CSF1R: variants seen among roughly 807,000 people sequenced by gnomAD.
The protein encoded by CSF1R is colony stimulating factor 1 receptor.
In CSF1R, 40 loss-of-function variants were observed where a neutral mutation model predicts 110.0. The ratio of observed to expected loss-of-function variants is 0.36; its 90% CI spans 0.28 to 0.47. The LOEUF (loss-of-function observed/expected upper bound fraction) is 0.47, where lower values mean the gene tolerates loss of function less well. Among genes scored for constraint, CSF1R ranks in the 20% least tolerant of loss-of-function variants. CSF1R has a pLI of 0.99. For synonymous variants in CSF1R, 523 were observed against 503.4 expected (o/e 1.04, Z -0.52); for missense variants, 1,052 against 1,253.0 (o/e 0.84, Z 2.42).
intron 6 of CSF1R, among the ~76,000 whole-genome samples, chr5:150,071,037 G>C (rs951692151): frequency 2.6e-5 from 4 of 152,194 alleles, no homozygotes; most frequent in Non-Finnish European, 4.4e-5. Flanking sequence ...GCTGTTTCTT[G>C]GCTGTGTGAT....
rs375438101 is a variant in CSF1R at position 150,056,164 on chromosome 5, G to A, written c.2443-27C>T. 8.1e-4 allele frequency: 1,300 copies of A among 1,614,074 alleles called. 2 individuals carry two copies. The highest frequency in any genetic ancestry group is 1.0e-3 in the Non-Finnish European group (1,216 of 1,179,968). On this transcript the variant is annotated intron_variant, in intron 17 of 20. Transcript: ENST00000675795. ...TGGGATGACAGTCCCCAGTTATTTT[G>A]GGCCCCGACTCTTCACCCCCTCCCC... is the stretch of plus-strand genomic sequence containing the variant.
intron 4 of CSF1R, among the ~76,000 whole-genome samples, chr5:150,077,696 A>G (rs1215444301): frequency 1.3e-5 from 2 of 152,186 alleles, no homozygotes; most frequent in South Asian, 4.1e-4. Context: ...AGGCAGCCCA[A>G]CGTGAGTCCC....
chr5:150,062,626 C>G (rs559669186), intron 10 of CSF1R, among the ~76,000 whole-genome samples: 40 of 152,324 alleles, frequency 2.6e-4, no homozygotes, highest in African/African-American at 9.1e-4. Flanking sequence ...TAATAGTAGC[C>G]CATCCACATA....
intron 1 of CSF1R, among the ~76,000 whole-genome samples, chr5:150,111,476 G>T (rs1433933941): frequency 6.6e-6 from 1 of 152,184 alleles, no homozygotes; most frequent in Non-Finnish European, 1.5e-5. Flanking sequence ...TCCCACAAAT[G>T]AGTTTTTATT....
At chr5:150,058,820 C>G (rs1408702385) in intron 14 of CSF1R, among the ~76,000 whole-genome samples, 2 of 152,000 alleles carry the variant, frequency 1.3e-5, no homozygotes, top group Non-Finnish European at 2.9e-5. Context: ...GTCCTGACCC[C>G]ACAAGCCCCT....
chr5:150,068,141 T>A, intron 10 of CSF1R, 74 bp downstream of exon 10: 1 of 1,152,522 alleles, frequency 8.7e-7, no homozygotes, highest in African/African-American at 1.5e-5. Context: ...GAAGGGTGAA[T>A]CCATGCAGCC....
At chr5:150,054,914 C>T (rs1757130390) in intron 19 of CSF1R, 1 of 288,958 alleles carries the variant, frequency 3.5e-6, no homozygotes, top group Admixed American at 4.9e-5. Context: ...TGCTTGAGCC[C>T]TGAAGATTGA....
At position 150,053,427 on chromosome 5, in the gene CSF1R, T is replaced by C. The variant is rs927410113; in HGVS notation, c.*642A>G. 8.5e-6 allele frequency: 2 copies of C among 234,560 alleles called. No homozygotes were observed. Among genetic ancestry groups the C allele is most frequent in the Non-Finnish European group, 1.7e-5 (2 of 118,724 alleles). 14.5% of individuals were successfully genotyped at this position (234,560 alleles called of 1,614,324 possible). A position where few individuals can be genotyped will look rare whatever the true frequency, so the allele number is the denominator to read the frequency against. On this transcript the variant is annotated 3_prime_UTR_variant, in exon 21 of 21. Transcript: ENST00000675795. Reference sequence around the variant, plus strand: ...CCACATGCCAAGGTCCCCTGCCTTCTAGCCCAGAATGACGGGACTGGGCAG... The same window carrying C: ...CCACATGCCAAGGTCCCCTGCCTTCCAGCCCAGAATGACGGGACTGGGCAG...
chr5:150,111,862 A>G (rs1188922730), intron 1 of CSF1R, among the ~76,000 whole-genome samples: 1 of 152,242 alleles, frequency 6.6e-6, no homozygotes, highest in Non-Finnish European at 1.5e-5. Context: ...AGCCCTGGAA[A>G]CTGAGTCACA....
intron 6 of CSF1R, among the ~76,000 whole-genome samples, chr5:150,072,564 T>C (rs535278096): frequency 4.6e-5 from 7 of 152,264 alleles, no homozygotes; most frequent in South Asian, 4.1e-4. Context: ...CTGGTATGAG[T>C]GTTCCTCTTA....
upstream of CSF1R, among the ~76,000 whole-genome samples, chr5:150,089,598 A>T (rs141864175): frequency 4.0e-4 from 61 of 152,384 alleles, no homozygotes; most frequent in African/African-American, 1.3e-3. Context: ...GGAGGATTTA[A>T]TAAGACAGCG....
intron 5 of CSF1R, among the ~76,000 whole-genome samples, chr5:150,075,448 C>A (rs907031139): frequency 6.6e-6 from 1 of 152,180 alleles, no homozygotes. Flanking sequence ...GTCCCCTGAA[C>A]ATGGCAAGCA....
chr5:150,101,070 G>GAA (rs11393780), intron 1 of CSF1R, among the ~76,000 whole-genome samples: 4 of 132,024 alleles, frequency 3.0e-5, no homozygotes, highest in African/African-American at 5.5e-5. Flanking sequence ...GTTGCTCTCA[G>GAA]AAAAAAAAAA....
chr5:150,088,326 G>T (rs1758925208), upstream of CSF1R, among the ~76,000 whole-genome samples: 1 of 152,078 alleles, frequency 6.6e-6, no homozygotes, highest in African/African-American at 2.4e-5. Flanking sequence ...AGGACCAGAT[G>T]GCTTCACTGG....
At chr5:150,054,819 TCTA>T (rs1757124183) in intron 19 of CSF1R, 3 of 239,322 alleles carry the variant, frequency 1.3e-5, no homozygotes, top group African/African-American at 6.9e-5. Flanking sequence ...AGATCCCATC[TCTA>T]CTAAAAAATT....
intron 1 of CSF1R, among the ~76,000 whole-genome samples, chr5:150,095,726 CT>C (rs1326277284): frequency 7.0e-6 from 1 of 142,730 alleles, no homozygotes; most frequent in Non-Finnish European, 1.5e-5. Context: ...AAACCAAAAG[CT>C]TTTTCACTGG....
intron 18 of CSF1R, among the ~76,000 whole-genome samples, 185 bp from the exon 19 acceptor site, chr5:150,055,521 G>A (rs1242174004): frequency 3.3e-5 from 5 of 152,234 alleles, no homozygotes; most frequent in African/African-American, 1.2e-4. Context: ...AGGAAGGTGT[G>A]AGCCTCTATC....
At position 150,056,276 on chromosome 5, in the gene CSF1R, C is replaced by T. The variant is rs1757215212; in HGVS notation, c.2385G>A (p.Gly795=). The T allele has an allele frequency of 6.2e-7, 1 of 1,614,062 alleles. No individual in the cohort carries two copies. Among genetic ancestry groups the T allele is most frequent in the African/African-American group, 1.3e-5 (1 of 74,928 alleles). Residue 795 remains glycine (G), a synonymous_variant, in exon 17 of 21, where the codon GGG becomes GGA. Transcript: ENST00000675795. ...LLTNGHVAKI[G]DFGLARDIMN... is the part of the protein sequence containing the mutation. ...TGATGTCCCTAGCCAGCCCGAAGTCCCCAATCTTGGCCACATGACCATTGG... is the reference window on the plus strand; with the variant it reads ...TGATGTCCCTAGCCAGCCCGAAGTCTCCAATCTTGGCCACATGACCATTGG...
At chr5:150,101,360 G>C in intron 1 of CSF1R, among the ~76,000 whole-genome samples, 1 of 152,216 alleles carries the variant, frequency 6.6e-6, no homozygotes, top group Admixed American at 6.5e-5. Context: ...AGCCAGATCA[G>C]CTGAATACTG....
Sources: gnomAD v4.1 joint callset for allele counts (sites outside exome capture counted in the v4.1 genomes callset) on GRCh38, gnomAD v4.1.1 for gene constraint, MANE v1.5 for transcripts, NCBI Gene and HGNC (gene_info 2026-07-23, HGNC 2026-07-21) for gene names.